Variants in RFTN2 observed in about 807,000 individuals in gnomAD.
The protein encoded by RFTN2 is raftlin-2.
RFTN2 carries 34 observed loss-of-function variants against 52.7 expected under a neutral mutation model. That is an observed-to-expected ratio of 0.64 (90% CI 0.49 to 0.86). The LOEUF (loss-of-function observed/expected upper bound fraction) is 0.86, where lower values mean the gene tolerates loss of function less well. RFTN2 is among the 40% of genes least tolerant of loss of function. The pLI is 0.00. For synonymous variants in RFTN2, 203 were observed against 217.7 expected (o/e 0.93, Z 0.59); for missense variants, 536 against 600.1 (o/e 0.89, Z 1.12).
intron 1 of RFTN2, among the ~76,000 whole-genome samples, chr2:197,672,974 T>C (rs2089167352): frequency 6.6e-6 from 1 of 152,170 alleles, no homozygotes; most frequent in African/African-American, 2.4e-5. Flanking sequence ...ATAAATAAGT[T>C]GTTCTAGAAA....
intron 8 of RFTN2, among the ~76,000 whole-genome samples, chr2:197,592,408 G>A (rs1314297082): frequency 1.3e-5 from 2 of 152,048 alleles, no homozygotes; most frequent in East Asian, 1.9e-4. Flanking sequence ...TTGGTCAGGC[G>A]GGTCTTGAAC....
At chr2:197,629,027 G>T (rs905418964) in intron 5 of RFTN2, among the ~76,000 whole-genome samples, 1 of 152,192 alleles carries the variant, frequency 6.6e-6, no homozygotes, top group Admixed American at 6.5e-5. Context: ...CATTGTGGAA[G>T]ACAGTGTGGC....
At position 197,571,195 on chromosome 2, in the gene RFTN2, T is replaced by A. The variant is rs189258842; in HGVS notation, c.*813A>T. 1 of 152,422 alleles carries A rather than the reference T, an allele frequency of 6.6e-6. No individual in the cohort carries two copies. The highest frequency in any genetic ancestry group is 1.5e-5 in the Non-Finnish European group (1 of 68,022). The allele number at this position is 152,422 out of a possible 1,614,324, so 9.4% of individuals were successfully genotyped here. On this transcript the variant is annotated 3_prime_UTR_variant, in exon 9 of 9. Coordinates refer to ENST00000295049, the MANE Select transcript of RFTN2 (RefSeq NM_144629.3). ...CTAGACAGATGTAAAAGACTTCAGT[T>A]TCAAATTGAAGTTGATATTTTTCCT...
rs532705118 is a variant in RFTN2, at chr2:197,640,310, A to T, written c.438+3848T>A. Among the ~76,000 whole-genome samples the T allele has an allele frequency of 3.9e-3, 594 of 152,198 alleles. 2 individuals are homozygous for T. Among genetic ancestry groups the T allele is most frequent in the South Asian group, 0.017 (80 of 4,830 alleles). ...TTTGTTTACCTAAGGAAGCCTGGGC[A>T]ATGGCGGGCGCCCCTCCCCCAGCCT... On this transcript the variant is annotated intron_variant, in intron 3 of 8. Coordinates refer to ENST00000295049, the MANE Select transcript of RFTN2 (RefSeq NM_144629.3).
chr2:197,633,594 ATTAGTTCAT>A (rs2088500584), intron 4 of RFTN2, 115 bp downstream of exon 4: 1 of 778,158 alleles, frequency 1.3e-6, no homozygotes, highest in South Asian at 1.9e-5. Context: ...TGAGGTTTTT[ATTAGTTCAT>A]TTAGTCATTA....
At chr2:197,622,292 G>C (rs1002150305) in intron 5 of RFTN2, among the ~76,000 whole-genome samples, 1 of 152,124 alleles carries the variant, frequency 6.6e-6, no homozygotes, top group African/African-American at 2.4e-5. Context: ...CAAAACTACA[G>C]ATTTTTATTT....
intron 3 of RFTN2, among the ~76,000 whole-genome samples, chr2:197,642,644 A>C (rs2088690817): frequency 6.6e-6 from 1 of 152,156 alleles, no homozygotes; most frequent in Non-Finnish European, 1.5e-5. Flanking sequence ...TCCCCTTTTC[A>C]ATTATTTTCT....
intron 1 of RFTN2, among the ~76,000 whole-genome samples, chr2:197,672,403 T>C (rs1003368875): frequency 2.6e-5 from 4 of 152,144 alleles, no homozygotes; most frequent in Non-Finnish European, 5.9e-5. Flanking sequence ...GAAGAGAACA[T>C]ATAAGTAACC....
chr2:197,629,058 C>A (rs2088416549), intron 5 of RFTN2, among the ~76,000 whole-genome samples: 1 of 152,170 alleles, frequency 6.6e-6, no homozygotes, highest in Non-Finnish European at 1.5e-5. Flanking sequence ...GGATCTAGAA[C>A]TAGAAATATC....
intron 8 of RFTN2, among the ~76,000 whole-genome samples, chr2:197,595,470 C>A (rs2087780538): frequency 6.6e-6 from 1 of 152,160 alleles, no homozygotes; most frequent in Non-Finnish European, 1.5e-5. Context: ...ACCATTTTAA[C>A]AAAGGGTGGT....
intron 5 of RFTN2, among the ~76,000 whole-genome samples, chr2:197,624,168 G>T (rs548649481): frequency 6.6e-6 from 1 of 152,312 alleles, no homozygotes; most frequent in African/African-American, 2.4e-5. Flanking sequence ...AAATGACAAT[G>T]AAGGATTTAG....
At chr2:197,595,502 A>G (rs578054116) in intron 8 of RFTN2, among the ~76,000 whole-genome samples, 3 of 152,326 alleles carry the variant, frequency 2.0e-5, no homozygotes, top group African/African-American at 7.2e-5. Flanking sequence ...AGGTGACTAG[A>G]TGAGGGAAAA....
intron 2 of RFTN2, among the ~76,000 whole-genome samples, chr2:197,646,011 A>G (rs2088742699): frequency 1.3e-5 from 2 of 152,170 alleles, no homozygotes; most frequent in Non-Finnish European, 2.9e-5. Flanking sequence ...GGGCAACCAG[A>G]GCAAAACTCT....
chr2:197,595,268 A>G (rs1003987985), intron 8 of RFTN2, among the ~76,000 whole-genome samples: 2 of 152,238 alleles, frequency 1.3e-5, no homozygotes, highest in African/African-American at 4.8e-5. Context: ...CATTCACAAG[A>G]TTTAGAACTG....
chr2:197,658,364 G>C (rs567017474), intron 1 of RFTN2, among the ~76,000 whole-genome samples: 2 of 152,032 alleles, frequency 1.3e-5, no homozygotes, highest in Admixed American at 1.3e-4. Flanking sequence ...TCGACCTCCT[G>C]GGCTCAGGTG....
chr2:197,657,521 TC>T (rs2088911033), intron 1 of RFTN2, among the ~76,000 whole-genome samples: 1 of 152,174 alleles, frequency 6.6e-6, no homozygotes, highest in African/African-American at 2.4e-5. Flanking sequence ...GGCACAGCTC[TC>T]CCCTTCTTCA....
intron 1 of RFTN2, among the ~76,000 whole-genome samples, chr2:197,651,980 G>A (rs977365833): frequency 6.6e-6 from 1 of 152,146 alleles, no homozygotes; most frequent in African/African-American, 2.4e-5. Flanking sequence ...CATAGATTGT[G>A]GTTGATTACA....
At chr2:197,651,046 C>A (rs1368053315) in intron 1 of RFTN2, among the ~76,000 whole-genome samples, 1 of 152,158 alleles carries the variant, frequency 6.6e-6, no homozygotes, top group East Asian at 1.9e-4. Flanking sequence ...TATTGAGAAT[C>A]TTTTCACATC....
intron 8 of RFTN2, chr2:197,587,902 C>T (rs2087627381): frequency 2.3e-6 from 1 of 439,738 alleles, no homozygotes; most frequent in Admixed American, 2.9e-5. Context: ...TCCCCTTATT[C>T]TACAGAGGTG....
Sources: allele counts gnomAD v4.1 joint callset (sites outside exome capture counted in the v4.1 genomes callset), GRCh38; gene constraint gnomAD v4.1.1; transcripts MANE v1.5; gene names NCBI Gene and HGNC (gene_info 2026-07-23, HGNC 2026-07-21).